Variants in ASIC2 observed in about 807,000 individuals in gnomAD.
The protein encoded by ASIC2 is acid sensing ion channel subunit 2, also known as acid-sensing ion channel 2.
A neutral mutation model predicts 57.3 loss-of-function variants in ASIC2; 25 were observed. The observed-to-expected ratio is 0.44, with a 90% CI of 0.32 to 0.61. The LOEUF is 0.61. Among genes scored for constraint, ASIC2 ranks in the 20% least tolerant of loss-of-function variants. The pLI, the probability that ASIC2 is intolerant of heterozygous loss-of-function variation, is 0.06. For missense variants in ASIC2, 641 were observed against 738.1 expected (o/e 0.87, Z 1.52); for synonymous variants, 319 against 307.5 (o/e 1.04, Z -0.39).
chr17:33,413,071 G>T (rs1404252555), intron 1 of ASIC2, among the ~76,000 whole-genome samples: 2 of 152,156 alleles, frequency 1.3e-5, no homozygotes, highest in African/African-American at 2.4e-5. Flanking sequence ...TGATGAGCAG[G>T]GTTCTCCAGA....
intron 1 of ASIC2, among the ~76,000 whole-genome samples, chr17:33,404,271 C>T (rs571388185): frequency 1.1e-4 from 16 of 152,290 alleles, no homozygotes; most frequent in South Asian, 2.1e-4. Flanking sequence ...GATTGCACAA[C>T]TCTGTAAGTT....
chr17:33,384,045 C>T (rs983659289), intron 1 of ASIC2, among the ~76,000 whole-genome samples: 1 of 152,158 alleles, frequency 6.6e-6, no homozygotes, highest in Non-Finnish European at 1.5e-5. Context: ...GAGATTGTCT[C>T]CCTGGACTTG....
At chr17:33,183,978 CA>C (rs1906089071) in intron 1 of ASIC2, among the ~76,000 whole-genome samples, 2 of 152,096 alleles carry the variant, frequency 1.3e-5, no homozygotes, top group African/African-American at 2.4e-5. Context: ...ATTAAGATAA[CA>C]AAAATACTTA....
intron 1 of ASIC2, among the ~76,000 whole-genome samples, chr17:34,053,519 T>C (rs1195598464): frequency 2.0e-5 from 3 of 152,224 alleles, no homozygotes; most frequent in Non-Finnish European, 2.9e-5. Flanking sequence ...TTAAAGATAT[T>C]AATAATAGGT....
chr17:33,978,008 T>G (rs1210137177), intron 1 of ASIC2, among the ~76,000 whole-genome samples: 1 of 152,206 alleles, frequency 6.6e-6, no homozygotes, highest in Non-Finnish European at 1.5e-5. Flanking sequence ...GTGCTGTCTA[T>G]GACTCATGGG....
At chr17:33,898,340 A>G (rs1265232491) in intron 1 of ASIC2, among the ~76,000 whole-genome samples, 1 of 145,096 alleles carries the variant, frequency 6.9e-6, no homozygotes, top group African/African-American at 2.5e-5. Flanking sequence ...GATTCAAGCT[A>G]TTCTCCTGCC....
rs1553492 is a variant in ASIC2, at chr17:33,432,333, T to C, written c.556-320266A>G. On this transcript the variant is annotated intron_variant, in intron 1 of 9. Coordinates refer to the ASIC2 transcript ENST00000359872. ...GATTTCGAGACCAGCCTTGGGAACA[T>C]AATGAGACCTCGTCTCTACAAAAAG... 3.1e-3 allele frequency among the ~76,000 whole-genome samples: 479 copies of C among 152,112 alleles called. 1 individual carries two copies. The highest frequency in any genetic ancestry group is 0.011 in the African/African-American group (463 of 41,496).
Position 33,193,688 on chromosome 17 carries a change from A to T in ASIC2, c.709-81621T>A, listed in dbSNP as rs546406261. 2.6e-5 allele frequency among the ~76,000 whole-genome samples: 4 copies of T among 152,156 alleles called. No individual in the cohort carries two copies. The South Asian group carries it at 8.3e-4, about 32-fold the overall frequency. On this transcript the variant is annotated intron_variant, in intron 1 of 9. Transcript: ENST00000225823. ...TCTGAGATCTGATCTAGGCCTGGGGATCTTGTTATGATGCAGATTCTAATT... is the reference window on the plus strand; with the variant it reads ...TCTGAGATCTGATCTAGGCCTGGGGTTCTTGTTATGATGCAGATTCTAATT...
intron 9 of ASIC2, 125 bp downstream of exon 9, chr17:33,015,846 T>C (rs1196175196): frequency 3.1e-6 from 3 of 977,690 alleles, no homozygotes; most frequent in Non-Finnish European, 4.6e-6. Flanking sequence ...ACTGACAGCA[T>C]GTCCCAAGCC....
chr17:33,194,061 C>A (rs1453648906), intron 1 of ASIC2, among the ~76,000 whole-genome samples: 5 of 152,180 alleles, frequency 3.3e-5, no homozygotes, highest in Non-Finnish European at 7.4e-5. Context: ...TGCACTGTAA[C>A]TGGGCACCAG....
chr17:33,581,260 CA>C (rs1242653020), intron 1 of ASIC2: 2 of 152,162 alleles, frequency 1.3e-5, no homozygotes, highest in East Asian at 3.9e-4. Flanking sequence ...CCAAGGAATG[CA>C]AGCAGCCTCT....
intron 1 of ASIC2, among the ~76,000 whole-genome samples, chr17:33,567,653 G>A (rs1340338675): frequency 6.6e-6 from 1 of 152,150 alleles, no homozygotes; most frequent in Non-Finnish European, 1.5e-5. Flanking sequence ...CGTGGAAAGG[G>A]AGGGCAAGGG....
At chr17:33,264,289 G>A (rs1335047522) in intron 1 of ASIC2, among the ~76,000 whole-genome samples, 2 of 152,216 alleles carry the variant, frequency 1.3e-5, no homozygotes, top group African/African-American at 4.8e-5. Context: ...GAATGCTATG[G>A]CCCCACTCAG....
intron 1 of ASIC2, among the ~76,000 whole-genome samples, chr17:33,153,008 C>T (rs1904862006): frequency 6.6e-6 from 1 of 152,168 alleles, no homozygotes; most frequent in African/African-American, 2.4e-5. Flanking sequence ...ATGGCTGCAG[C>T]TACTTCCTCC....
At chr17:33,687,866 C>T (rs1047767725) in intron 1 of ASIC2, among the ~76,000 whole-genome samples, 8 of 152,108 alleles carry the variant, frequency 5.3e-5, no homozygotes, top group African/African-American at 1.7e-4. Flanking sequence ...AGAAGCCATC[C>T]GCTATTTGGC....
At chr17:33,569,581 C>T (rs71377499) in intron 1 of ASIC2, 26,379 of 152,174 alleles carry the variant, frequency 0.17, 2,719 homozygotes, top group Non-Finnish European at 0.23. Context: ...CTTCTTCAGG[C>T]TCTTCCTTCG....
At chr17:33,837,726 CA>C (rs886547810) in intron 1 of ASIC2, among the ~76,000 whole-genome samples, 3 of 152,090 alleles carry the variant, frequency 2.0e-5, no homozygotes, top group African/African-American at 7.2e-5. Flanking sequence ...CAACGAAAAA[CA>C]AAAAACAAAA....
intron 1 of ASIC2, among the ~76,000 whole-genome samples, chr17:33,851,662 T>G (rs559820639): frequency 1.3e-5 from 2 of 152,332 alleles, no homozygotes; most frequent in South Asian, 4.1e-4. Context: ...GGATGTCTTA[T>G]GCCTCGTAGG....
At chr17:34,074,763 C>CT (rs1344162431) in intron 1 of ASIC2, among the ~76,000 whole-genome samples, 3 of 146,978 alleles carry the variant, frequency 2.0e-5, no homozygotes, top group Non-Finnish European at 4.5e-5. Flanking sequence ...CAGAGTGTGG[C>CT]TTTTTTCTTT....
Sources: gnomAD v4.1 joint callset for allele counts (sites outside exome capture counted in the v4.1 genomes callset) on GRCh38, gnomAD v4.1.1 for gene constraint, MANE v1.5 for transcripts, NCBI Gene and HGNC (gene_info 2026-07-23, HGNC 2026-07-21) for gene names.